Variants in BMP6 observed in about 807,000 individuals in gnomAD.
BMP6 encodes the protein VG-1-R.
A neutral mutation model predicts 54.1 loss-of-function variants in BMP6; 17 were observed. The observed-to-expected ratio is 0.31, with a 90% confidence interval of 0.22 to 0.47. BMP6 has a LOEUF of 0.47. Ranked by LOEUF, BMP6 falls within the 20% of genes least tolerant of loss-of-function variation. BMP6 has a pLI of 1.00. For synonymous variants in BMP6, 328 were observed against 291.2 expected (o/e 1.13, Z -1.28); for missense variants, 720 against 690.4 (o/e 1.04, Z -0.48).
chr6:7,839,926 C>T (rs571938118), intron 1 of BMP6, among the ~76,000 whole-genome samples: 1 of 152,346 alleles, frequency 6.6e-6, no homozygotes, highest in East Asian at 1.9e-4. Flanking sequence ...ATCAGCAAAG[C>T]ACAAGGGTTC....
chr6:7,822,897 T>TTGTGTG (rs56161444), intron 1 of BMP6, among the ~76,000 whole-genome samples: 2,516 of 121,272 alleles, frequency 0.021, 29 homozygotes, highest in East Asian at 0.038. Context: ...TTGGTGCTGG[T>TTGTGTG]TGTGTGTGTG....
At chr6:7,808,290 G>A (rs949678778) in intron 1 of BMP6, among the ~76,000 whole-genome samples, 4 of 152,146 alleles carry the variant, frequency 2.6e-5, no homozygotes, top group African/African-American at 9.7e-5. Flanking sequence ...TTGTACTTTG[G>A]TTGGTAGAAA....
intron 1 of BMP6, among the ~76,000 whole-genome samples, chr6:7,800,081 T>TGG (rs1758247493): frequency 2.9e-5 from 1 of 34,020 alleles, no homozygotes; most frequent in South Asian, 7.8e-4. Flanking sequence ...AAGGAAGGGG[T>TGG]GTGTGTGTGT....
intron 1 of BMP6, among the ~76,000 whole-genome samples, chr6:7,766,866 A>T (rs910922622): frequency 6.6e-5 from 10 of 152,318 alleles, no homozygotes; most frequent in Non-Finnish European, 1.3e-4. Flanking sequence ...AAAATCAAAA[A>T]GAATCAAATA....
chr6:7,779,620 G>A (rs573524718), intron 1 of BMP6, among the ~76,000 whole-genome samples: 6 of 152,240 alleles, frequency 3.9e-5, no homozygotes, highest in Non-Finnish European at 8.8e-5. Context: ...GATTACAGGC[G>A]TGAGCCACTG....
chr6:7,872,833 G>C (rs1488271492), intron 4 of BMP6, among the ~76,000 whole-genome samples: 2 of 116,374 alleles, frequency 1.7e-5, no homozygotes, highest in Non-Finnish European at 3.4e-5. Context: ...TTTTTTTTGA[G>C]ACAGGGTCTT....
intron 2 of BMP6, among the ~76,000 whole-genome samples, chr6:7,858,277 G>A (rs763182261): frequency 4.6e-5 from 7 of 151,940 alleles, no homozygotes; most frequent in Non-Finnish European, 8.8e-5. Context: ...TAGAGGTAGG[G>A]TTTCGCCATG....
intron 1 of BMP6, among the ~76,000 whole-genome samples, chr6:7,774,664 G>T (rs375940794): frequency 6.6e-6 from 1 of 152,202 alleles, no homozygotes; most frequent in Non-Finnish European, 1.5e-5. Flanking sequence ...AGCCCAGATC[G>T]TGCCACTGCA....
intron 1 of BMP6, among the ~76,000 whole-genome samples, chr6:7,782,850 G>A (rs1026201691): frequency 1.3e-5 from 2 of 152,196 alleles, no homozygotes; most frequent in African/African-American, 4.8e-5. Flanking sequence ...GGAGTTCTGA[G>A]AAAGGGCTTG....
intron 1 of BMP6, among the ~76,000 whole-genome samples, chr6:7,795,434 G>A (rs999069468): frequency 6.6e-5 from 10 of 152,152 alleles, no homozygotes; most frequent in African/African-American, 2.4e-4. Flanking sequence ...CAAGGCAGTG[G>A]TAAAACAGCC....
At chr6:7,828,760 G>C (rs1182305559) in intron 1 of BMP6, among the ~76,000 whole-genome samples, 1 of 152,242 alleles carries the variant, frequency 6.6e-6, no homozygotes, top group Non-Finnish European at 1.5e-5. Context: ...CCCTCAGCAG[G>C]AGCATGCCTG....
intron 1 of BMP6, among the ~76,000 whole-genome samples, chr6:7,830,186 T>C (rs1758772896): frequency 6.6e-6 from 1 of 152,326 alleles, no homozygotes; most frequent in Middle Eastern, 3.4e-3. Context: ...CTCCTCTCTC[T>C]CATATCCGTG....
chr6:7,784,409 G>T (rs1321690003), intron 1 of BMP6, among the ~76,000 whole-genome samples: 1 of 147,224 alleles, frequency 6.8e-6, no homozygotes, highest in Non-Finnish European at 1.5e-5. Context: ...GGGTCTGTGT[G>T]TAGGCGTCTG....
chr6:7,827,219 A>C (rs115570832), intron 1 of BMP6, among the ~76,000 whole-genome samples: 3,007 of 152,204 alleles, frequency 0.02, 96 homozygotes, highest in African/African-American at 0.069. Flanking sequence ...GCCCTCCCTG[A>C]CCCCGTCGCC....
chr6:7,774,136 C>T (rs181040768), intron 1 of BMP6, among the ~76,000 whole-genome samples: 239 of 152,252 alleles, frequency 1.6e-3, no homozygotes, highest in Non-Finnish European at 2.2e-3. Context: ...AGGTGTTTTT[C>T]GATGAAGAGA....
chr6:7,744,757 C>T (rs759200291), intron 1 of BMP6, among the ~76,000 whole-genome samples: 20 of 152,160 alleles, frequency 1.3e-4, no homozygotes, highest in Non-Finnish European at 2.2e-4. Context: ...CCATAACTCT[C>T]TTCATCTTTC....
chr6:7,841,513 A>G (rs13211823), intron 1 of BMP6, among the ~76,000 whole-genome samples: 2 of 152,176 alleles, frequency 1.3e-5, no homozygotes, highest in Non-Finnish European at 2.9e-5. Flanking sequence ...TTATATCCCT[A>G]TGAGACATTA....
intron 1 of BMP6, among the ~76,000 whole-genome samples, chr6:7,838,432 C>T (rs1381232927): frequency 6.6e-6 from 1 of 152,168 alleles, no homozygotes; most frequent in African/African-American, 2.4e-5. Flanking sequence ...TCGCCAGTCT[C>T]ACTTACGAAC....
intron 1 of BMP6, among the ~76,000 whole-genome samples, chr6:7,841,291 C>T (rs757800513): frequency 6.6e-6 from 1 of 152,138 alleles, no homozygotes. Context: ...CATCAGTAAG[C>T]CAAATGCTAA....
Sources: gnomAD v4.1 joint callset for allele counts (sites outside exome capture counted in the v4.1 genomes callset) on GRCh38, gnomAD v4.1.1 for gene constraint, MANE v1.5 for transcripts, NCBI Gene and HGNC (gene_info 2026-07-23, HGNC 2026-07-21) for gene names.